The following CRPPA variants were observed in gnomAD, a reference collection of about 807,000 sequenced individuals.
CRPPA encodes the protein D-ribitol-5-phosphate cytidylyltransferase.
Under a neutral mutation model 52.0 loss-of-function variants are expected in CRPPA, and 43 were observed. The observed-to-expected ratio is 0.83, with a 90% CI of 0.65 to 1.07. The LOEUF (loss-of-function observed/expected upper bound fraction) is 1.07, where lower values mean the gene tolerates loss of function less well. CRPPA is among the 50% of genes least tolerant of loss of function. The pLI is 0.00. For synonymous variants in CRPPA, 250 were observed against 203.5 expected (o/e 1.23, Z -1.94); for missense variants, 629 against 551.7 (o/e 1.14, Z -1.40).
chr7:16,378,510 T>C (rs566637071), intron 2 of CRPPA, among the ~76,000 whole-genome samples: 100 of 152,044 alleles, frequency 6.6e-4, no homozygotes, highest in Non-Finnish European at 1.1e-3. Context: ...CAGTCTATCA[T>C]TGTTGGACAT....
In CRPPA at chr7:16,342,777, A is replaced by AT. The variant is rs1785892796; in HGVS notation, c.684+33314_684+33315insA. The stretch of plus-strand genomic sequence containing the variant: ...CCCTGTCTCCACAAAAAAAAAAAAA[A>AT]AAAAAATATATATATATATATCTAT... On this transcript the variant is annotated intron_variant, in intron 3 of 9. Transcript: ENST00000407010. Among the ~76,000 whole-genome samples the AT allele has an allele frequency of 7.6e-4, 24 of 31,442 alleles. 1 individual carries two copies. Among genetic ancestry groups the AT allele is most frequent in the African/African-American group, 2.0e-3 (21 of 10,498 alleles). 20.6% of individuals were successfully genotyped at this position (31,442 alleles called of 152,430 possible).
At chr7:16,176,177 T>C (rs1054499781) in intron 9 of CRPPA, among the ~76,000 whole-genome samples, 1 of 152,142 alleles carries the variant, frequency 6.6e-6, no homozygotes, top group Non-Finnish European at 1.5e-5. Flanking sequence ...ATTAAGAGAA[T>C]ATGGTTCCAA....
intron 9 of CRPPA, among the ~76,000 whole-genome samples, chr7:16,159,424 A>C (rs763565294): frequency 6.6e-6 from 1 of 152,048 alleles, no homozygotes; most frequent in Non-Finnish European, 1.5e-5. Flanking sequence ...TTCAACTCCC[A>C]CTTATGAGGA....
intron 6 of CRPPA, chr7:16,261,928 G>A (rs1013825716): frequency 6.6e-6 from 1 of 151,834 alleles, no homozygotes; most frequent in Admixed American, 6.6e-5. Flanking sequence ...TGATAGTCTT[G>A]GATATCACCT....
At chr7:16,133,326 A>G (rs2128373419) in intron 9 of CRPPA, among the ~76,000 whole-genome samples, 1 of 123,040 alleles carries the variant, frequency 8.1e-6, no homozygotes, top group Non-Finnish European at 1.8e-5. Flanking sequence ...CAAAAAAAAA[A>G]AAGGTAAAAT....
At chr7:16,401,190 A>G (rs1472955745) in intron 2 of CRPPA, among the ~76,000 whole-genome samples, 2 of 152,214 alleles carry the variant, frequency 1.3e-5, no homozygotes, top group African/African-American at 4.8e-5. Context: ...TCTCATTAGC[A>G]TAAGCTCAGG....
chr7:16,292,236 T>G (rs757185822), intron 5 of CRPPA, among the ~76,000 whole-genome samples: 2 of 151,972 alleles, frequency 1.3e-5, no homozygotes, highest in Non-Finnish European at 2.9e-5. Context: ...TGGTCCACAA[T>G]GTACTAGAGA....
At chr7:16,307,815 G>C (rs1185518137) in intron 4 of CRPPA, among the ~76,000 whole-genome samples, 1 of 150,462 alleles carries the variant, frequency 6.6e-6, no homozygotes, top group East Asian at 2.0e-4. Context: ...AACTGTTGCA[G>C]ATATCCTTTT....
intron 8 of CRPPA, among the ~76,000 whole-genome samples, chr7:16,216,911 G>A (rs10270494): frequency 0.072 from 10,992 of 151,852 alleles, 469 homozygotes; most frequent in East Asian, 0.14. Flanking sequence ...CAAAGCAGCC[G>A]GGAAGCTCCA....
At chr7:16,222,991 A>G (rs1050588252) in intron 8 of CRPPA, among the ~76,000 whole-genome samples, 5 of 152,150 alleles carry the variant, frequency 3.3e-5, no homozygotes, top group Non-Finnish European at 5.9e-5. Context: ...TACACAATAC[A>G]TTAACTCTTG....
At chr7:16,319,723 G>C (rs1785217147) in intron 3 of CRPPA, among the ~76,000 whole-genome samples, 1 of 152,202 alleles carries the variant, frequency 6.6e-6, no homozygotes, top group South Asian at 2.1e-4. Flanking sequence ...CTATTCGGCA[G>C]TCAGTAGGCA....
intron 9 of CRPPA, among the ~76,000 whole-genome samples, chr7:16,155,829 C>T (rs555425923): frequency 6.6e-6 from 1 of 152,228 alleles, no homozygotes; most frequent in East Asian, 1.9e-4. Context: ...CAAGGGTCAA[C>T]TGTACAAACT....
chr7:16,323,481 A>T (rs960820638), intron 3 of CRPPA, among the ~76,000 whole-genome samples: 2 of 152,164 alleles, frequency 1.3e-5, no homozygotes, highest in African/African-American at 4.8e-5. Context: ...TGCTATCTCC[A>T]TGAGAAGAAC....
At chr7:16,184,679 G>C (rs1398489751) in intron 9 of CRPPA, among the ~76,000 whole-genome samples, 1 of 152,118 alleles carries the variant, frequency 6.6e-6, no homozygotes, top group South Asian at 2.1e-4. Context: ...TCCTTGAAAG[G>C]CACACAAAGG....
intron 9 of CRPPA, among the ~76,000 whole-genome samples, chr7:16,116,838 C>T (rs1436717171): frequency 1.3e-5 from 2 of 152,096 alleles, no homozygotes; most frequent in African/African-American, 4.8e-5. Flanking sequence ...AAGAACAAAA[C>T]ATGAATAAGA....
chr7:16,099,033 A>T (rs1781986748), intron 9 of CRPPA, among the ~76,000 whole-genome samples: 1 of 152,160 alleles, frequency 6.6e-6, no homozygotes. Context: ...TGTGTCTAGA[A>T]ACAGGGCCTT....
At chr7:16,398,972 C>A (rs540234359) in intron 2 of CRPPA, among the ~76,000 whole-genome samples, 1 of 152,338 alleles carries the variant, frequency 6.6e-6, no homozygotes, top group East Asian at 1.9e-4. Context: ...GACACCTGAC[C>A]AGCCCATGGC....
chr7:16,324,534 T>C (rs969170311), intron 3 of CRPPA, among the ~76,000 whole-genome samples: 7 of 152,216 alleles, frequency 4.6e-5, no homozygotes, highest in African/African-American at 1.2e-4. Context: ...GGCACTGGCC[T>C]TTGATGCAGT....
chr7:16,405,409 T>C (rs1276331814), intron 2 of CRPPA, among the ~76,000 whole-genome samples: 1 of 152,182 alleles, frequency 6.6e-6, no homozygotes, highest in Non-Finnish European at 1.5e-5. Flanking sequence ...TCTGTCCAAC[T>C]TCATAGCCTA....
Sources: gnomAD v4.1 joint callset for allele counts (sites outside exome capture counted in the v4.1 genomes callset) on GRCh38, gnomAD v4.1.1 for gene constraint, MANE v1.5 for transcripts, NCBI Gene and HGNC (gene_info 2026-07-23, HGNC 2026-07-21) for gene names.